MED25: variants seen among roughly 807,000 people sequenced by gnomAD.
MED25 encodes the protein mediator complex subunit 25, also known as mediator of RNA polymerase II transcription subunit 25.
MED25 carries 62 observed loss-of-function variants against 89.4 expected under a neutral mutation model. That is an observed-to-expected ratio of 0.69 (90% confidence interval 0.57 to 0.86). MED25 has a LOEUF of 0.86. Among genes scored for constraint, MED25 ranks in the 40% least tolerant of loss-of-function variants. The pLI, the probability that MED25 is intolerant of heterozygous loss-of-function variation, is 0.00. For synonymous variants in MED25, 449 were observed against 427.9 expected (o/e 1.05, Z -0.61); for missense variants, 905 against 1,005.2 (o/e 0.90, Z 1.35).
chr19:49,836,214 G>C lies in MED25; in HGVS notation c.1966-12G>C, dbSNP rs754403001. 42 of 1,611,494 alleles carry C rather than the reference G, an allele frequency of 2.6e-5. No homozygotes were observed. In the South Asian group the frequency reaches 3.7e-4, roughly 14 times the overall value. ...ACCAGGAGCCTCTGAGCCACTCTCT[G>C]TGTTCTCCCAGCCGCAGACTGGGGT... On this transcript the variant is annotated splice_polypyrimidine_tract_variant and intron_variant, in intron 16 of 17. Coordinates refer to ENST00000312865, the MANE Select transcript of MED25 (RefSeq NM_030973.4). This position sits in a 1 kb window ranked among gnomAD's most constrained non-coding sequence, Gnocchi z 5.1.
intron 3 of MED25, among the ~76,000 whole-genome samples, chr19:49,820,528 T>G (rs1372284673): frequency 1.3e-5 from 2 of 152,210 alleles, no homozygotes; most frequent in Admixed American, 6.5e-5. Context: ...ATACTTGAAG[T>G]CATGAGTTAC....
intron 3 of MED25, 56 bp from the exon 4 acceptor site, chr19:49,828,393 T>C (rs112871583): frequency 8.4e-7 from 1 of 1,193,636 alleles, no homozygotes; most frequent in Non-Finnish European, 1.2e-6. Context: ...TCTTCAAGCA[T>C]AGCCTGGGGA....
Position 49,830,564 on chromosome 19 carries a change from T to C in MED25, c.873T>C (p.Ala291=). The part of the protein sequence containing the change: ...AQVAAQNAVE[A]AKNQKAGLGP... ...TGGCCGCGCAGAATGCAGTGGAGGC[T>C]GCCAAGAACCAGAAGGCTGGGCTGG... Residue 291 remains alanine (A), a synonymous_variant, in exon 8 of 18, where the codon GCT becomes GCC. Transcript: ENST00000312865. The surrounding 1 kb of genome is among the most constrained non-coding windows in gnomAD (Gnocchi z 4.6). The C allele has an allele frequency of 6.2e-7, 1 of 1,614,126 alleles. No homozygotes were observed.
In MED25 at chr19:49,828,566, C is replaced by G. The variant is rs776860952; in HGVS notation, c.404+19C>G. 2 of 1,591,356 alleles carry G rather than the reference C, an allele frequency of 1.3e-6. No homozygotes were observed. Among genetic ancestry groups the G allele is most frequent in the African/African-American group, 1.3e-5 (1 of 74,518 alleles). On this transcript the variant is annotated intron_variant, in intron 4 of 17. Coordinates refer to ENST00000312865, the MANE Select transcript of MED25 (RefSeq NM_030973.4). ...AGCAGATGTGAGTGCCCCCTCCACCCAGGCCGGGCCGGTCTCTCTCTGCCT... is the reference window on the plus strand; with the variant it reads ...AGCAGATGTGAGTGCCCCCTCCACCGAGGCCGGGCCGGTCTCTCTCTGCCT...
rs760809712 is a variant in MED25, at chr19:49,830,243, A to C, written c.819+25A>C. The C allele has an allele frequency of 6.2e-7, 1 of 1,604,028 alleles. No individual in the cohort carries two copies. Among genetic ancestry groups the C allele is most frequent in the Admixed American group, 1.7e-5 (1 of 59,642 alleles). ...GGTATGGATATTTCCGGGAAGGGAC[A>C]TGCTTCTGGGGACTTGCTGGAGCCC... is the stretch of plus-strand genomic sequence containing the variant. On this transcript the variant is annotated intron_variant, in intron 7 of 17. Transcript: ENST00000312865. This position sits in a 1 kb window ranked among gnomAD's most constrained non-coding sequence, Gnocchi z 4.6.
chr19:49,838,409 C>CTCTCCATGGGGCGTGTGCTTTCTGGT (rs1440329090), downstream of MED25: 3 of 363,582 alleles, frequency 8.3e-6, no homozygotes, highest in Non-Finnish European at 1.6e-5. Context: ...GGAGCTGCCC[C>CTCTCCATGGGGCGTGTGCTTTCTGGT]TCTCCATGGG....
Position 49,836,978 on chromosome 19 carries a change from C to T in MED25, c.*34C>T. 6.6e-7 allele frequency: 1 copy of T among 1,525,436 alleles called. No individual in the cohort carries two copies. Among genetic ancestry groups the T allele is most frequent in the Non-Finnish European group, 9.0e-7 (1 of 1,107,800 alleles). 94.5% of individuals were successfully genotyped at this position (1,525,436 alleles called of 1,614,324 possible). ...CACCCAATAAAGTTCCTTTTTAACA[C>T]ACGCCCCGGCTCCCGTCACTGACAT... is the stretch of plus-strand genomic sequence containing the variant. On this transcript the variant is annotated 3_prime_UTR_variant, in exon 18 of 18. Transcript: ENST00000312865. This position sits in a 1 kb window ranked among gnomAD's most constrained non-coding sequence, Gnocchi z 5.1.
chr19:49,824,515 G>A (rs2074002580), intron 3 of MED25, among the ~76,000 whole-genome samples: 1 of 151,870 alleles, frequency 6.6e-6, no homozygotes, highest in South Asian at 2.1e-4. Flanking sequence ...AGACTGGGAG[G>A]CAGAGGTTGC....
At position 49,836,699 on chromosome 19, in the gene MED25, A is replaced by G. The variant is rs2242049; in HGVS notation, c.2147-148A>G. On this transcript the variant is annotated intron_variant, in intron 17 of 17. Coordinates refer to ENST00000312865, the MANE Select transcript of MED25 (RefSeq NM_030973.4). The surrounding 1 kb of genome is among the most constrained non-coding windows in gnomAD (Gnocchi z 5.1). ...TTTGGAGAAGGGCCCCCAAAGGCTC[A>G]TGGGAAACAGCATATTTGTAACTAG... The G allele has an allele frequency of 6.4e-3, 4,826 of 752,166 alleles. 104 individuals carry two copies. The highest frequency in any genetic ancestry group is 0.062 in the East Asian group (2,329 of 37,394). 46.6% of individuals were successfully genotyped at this position (752,166 alleles called of 1,614,324 possible). A position where few individuals can be genotyped will look rare whatever the true frequency, so the allele number is the denominator to read the frequency against.
chr19:49,836,179 G>A lies in MED25; in HGVS notation c.1966-47G>A, dbSNP rs1338873007. The stretch of plus-strand genomic sequence containing the variant: ...TGAGCAGTGTCTGTGTTGAGAGGTG[G>A]GGAGTCTCTACCAGGAGCCTCTGAG... On this transcript the variant is annotated intron_variant, in intron 16 of 17. Transcript: ENST00000312865. The surrounding 1 kb of genome is among the most constrained non-coding windows in gnomAD (Gnocchi z 5.1). 1.1e-5 allele frequency: 17 copies of A among 1,592,412 alleles called. No individual in the cohort carries two copies. Among genetic ancestry groups the A allele is most frequent in the Non-Finnish European group, 1.4e-5 (16 of 1,164,290 alleles).
chr19:49,829,933 G>C lies in MED25; in HGVS notation c.673G>C (p.Gly225Arg). 1 of 1,612,186 alleles carries C rather than the reference G, an allele frequency of 6.2e-7. No individual in the cohort carries two copies. The highest frequency in any genetic ancestry group is 8.5e-7 in the Non-Finnish European group (1 of 1,179,040). The change falls in exon 6 of 18, where the codon GGA becomes CGA. Residue 225 changes from glycine (G) to arginine (R), a missense_variant. By Grantham distance (125) the Gly-to-Arg change is moderately radical. Around this residue, in one of 3 missense-constraint regions of MED25, gnomAD observed 501 missense variants for 526.9 expected, o/e 0.95. Transcript: ENST00000312865. The surrounding 1 kb of genome is among the most constrained non-coding windows in gnomAD (Gnocchi z 4.6). Reference protein sequence around the residue: ...QDPRHMVLVRGLVLPVGGGSA... With the variant: ...QDPRHMVLVRRLVLPVGGGSA... ...CCCGAGGCACATGGTGCTGGTTCGGGGACTCGTGCTGCCTGGTGAGGCCTG... is the reference window on the plus strand; with the variant it reads ...CCCGAGGCACATGGTGCTGGTTCGGCGACTCGTGCTGCCTGGTGAGGCCTG...
At chr19:49,819,319 T>G in intron 3 of MED25, 23 bp downstream of exon 3, 1 of 1,242,098 alleles carries the variant, frequency 8.1e-7, no homozygotes, top group Non-Finnish European at 1.0e-6. Flanking sequence ...CCACTTGGGG[T>G]GGGTTGCTGG....
In MED25 at chr19:49,836,669, G is replaced by A; in HGVS notation, c.2147-178G>A. ...GAAATGTGGTCTTAGGGCCAGAGAA[G>A]TAGTTTTGGAGAAGGGCCCCCAAAG... On this transcript the variant is annotated intron_variant, in intron 17 of 17. Transcript: ENST00000312865. The surrounding 1 kb of genome is among the most constrained non-coding windows in gnomAD (Gnocchi z 5.1). The A allele has an allele frequency of 1.4e-6, 1 of 738,476 alleles. No homozygotes were observed. The allele number at this position is 738,476 out of a possible 1,614,324, so 45.7% of individuals were successfully genotyped here. A position where few individuals can be genotyped will look rare whatever the true frequency, so the allele number is the denominator to read the frequency against.
rs2074035059 is a variant in MED25 at position 49,829,090 on chromosome 19, G to A, written c.525G>A (p.Glu175=). 6.2e-7 allele frequency: 1 copy of A among 1,613,490 alleles called. No homozygotes were observed. The highest frequency in any genetic ancestry group is 8.5e-7 in the Non-Finnish European group (1 of 1,179,726). ...TTENLVQQIG[E]RGIHFSIVSP... ...AGAATCTTGTGCAGCAGATTGGGGA[G>A]GTGAGGACTCCAGGGTCTGAGGGAC... is the stretch of plus-strand genomic sequence containing the variant. The change falls in exon 5 of 18, where the codon GAG becomes GAA. Residue 175 remains glutamate, a splice_region_variant and synonymous_variant. Transcript: ENST00000312865. The surrounding 1 kb of genome is among the most constrained non-coding windows in gnomAD (Gnocchi z 4.6).
Position 49,829,786 on chromosome 19 carries a change from CG to C in MED25, c.531del (p.Ile178SerfsTer36). The part of the protein sequence containing the change: ...TENLVQQIGE[R>X]GIHFSIVSPR... ...TGACTGCTCGGCCCCTCTCCTACAG[CG>C]GGGGATCCACTTCTCCATTGTGTCT... On this transcript the variant is annotated frameshift_variant and splice_region_variant, in exon 6 of 18. Coordinates refer to ENST00000312865, the MANE Select transcript of MED25 (RefSeq NM_030973.4). LOFTEE classifies it high-confidence loss of function. The surrounding 1 kb of genome is among the most constrained non-coding windows in gnomAD (Gnocchi z 4.6). 6.3e-7 allele frequency: 1 copy of C among 1,588,402 alleles called. No homozygotes were observed. The highest frequency in any genetic ancestry group is 8.6e-7 in the Non-Finnish European group (1 of 1,167,602).
chr19:49,819,041 G>C, intron 2 of MED25, 131 bp from the exon 3 acceptor site: 1 of 1,146,716 alleles, frequency 8.7e-7, no homozygotes, highest in Non-Finnish European at 1.3e-6. Context: ...CGAGATTGCT[G>C]GGTCTGAGGA....
chr19:49,831,566 T>C lies in MED25; in HGVS notation c.1230+105T>C. 2 of 1,408,874 alleles carry C rather than the reference T, an allele frequency of 1.4e-6. No individual in the cohort carries two copies. Among genetic ancestry groups the C allele is most frequent in the Non-Finnish European group, 9.6e-7 (1 of 1,040,630 alleles). 87.3% of individuals were successfully genotyped at this position (1,408,874 alleles called of 1,614,324 possible). ...TGCGTGGGGTCTGCAGTGCTGGGTTTGGAGGCATTCGTTGCGCTGGACCTG... is the reference window on the plus strand; with the variant it reads ...TGCGTGGGGTCTGCAGTGCTGGGTTCGGAGGCATTCGTTGCGCTGGACCTG... On this transcript the variant is annotated intron_variant, in intron 10 of 17. Coordinates refer to ENST00000312865, the MANE Select transcript of MED25 (RefSeq NM_030973.4). The surrounding 1 kb of genome is among the most constrained non-coding windows in gnomAD (Gnocchi z 5.0).
chr19:49,832,258 G>A lies in MED25; in HGVS notation c.1375-50G>A, dbSNP rs199894202. ...CCCCCACTCCCTGCCTCATGTCCCC[G>A]CCTCACTTGCCCACACCAGCATGCC... On this transcript the variant is annotated intron_variant, in intron 12 of 17. Coordinates refer to ENST00000312865, the MANE Select transcript of MED25 (RefSeq NM_030973.4). 2.1e-5 allele frequency: 31 copies of A among 1,489,148 alleles called. No individual in the cohort carries two copies. The East Asian group carries it at 2.4e-4, about 11-fold the overall frequency. 92.2% of individuals were successfully genotyped at this position (1,489,148 alleles called of 1,614,324 possible).
chr19:49,838,562 C>G, downstream of MED25: 1 of 457,298 alleles, frequency 2.2e-6, no homozygotes, highest in South Asian at 1.5e-5. Flanking sequence ...TTTCTTGTAC[C>G]CATGTCTCTA....
Sources: gnomAD v4.1 joint callset for allele counts (sites outside exome capture counted in the v4.1 genomes callset) on GRCh38, gnomAD v4.1.1 for gene constraint, gnomAD v4.1.1 regional missense constraint, Gnocchi (gnomAD v3.1) non-coding constraint, MANE v1.5 for transcripts, NCBI Gene and HGNC (gene_info 2026-07-23, HGNC 2026-07-21) for gene names.